The following ZNF750 variants were observed in gnomAD, a reference collection of about 807,000 sequenced individuals.
The protein encoded by ZNF750 is zinc finger protein 750, also known as protein ZNF750.
In ZNF750, 10 loss-of-function variants were observed where a neutral mutation model predicts 31.6. The ratio of observed to expected loss-of-function variants is 0.32; its 90% CI spans 0.19 to 0.54. ZNF750 has a LOEUF of 0.54. ZNF750 is among the 20% of genes least tolerant of loss of function. The pLI is 0.95. For synonymous variants in ZNF750, 400 were observed against 404.9 expected, an observed-to-expected ratio of 0.99 and a Z score of 0.15; for missense variants, 914 against 934.9, an observed-to-expected ratio of 0.98 and a Z score of 0.29.
chr17:82,835,959 AC>A lies in ZNF750; in HGVS notation c.-182-3324del, dbSNP rs2053933168. Among the ~76,000 whole-genome samples, 1 of 152,098 alleles carries A rather than the reference AC, an allele frequency of 6.6e-6. No homozygotes were observed. The highest frequency in any genetic ancestry group is 1.5e-5 in the Non-Finnish European group (1 of 68,010). On this transcript the variant is annotated intron_variant, in intron 1 of 2. Transcript: ENST00000269394. The surrounding 1 kb of genome is among the most constrained non-coding windows in gnomAD (Gnocchi z 4.5). Reference sequence around the variant, plus strand: ...CTACAACCAGGGAGGGTGTCGGGTGACACCCTGGGCTCAGACCCCGCGCTCA... The same window carrying A: ...CTACAACCAGGGAGGGTGTCGGGTGAACCCTGGGCTCAGACCCCGCGCTCA...
rs778604072 is a variant in ZNF750 at position 82,830,753 on chromosome 17, C to CT, written c.1560dup (p.Glu521ArgfsTer40). ...TCGTGGGTGGCTGCCAGGTTTATCT[C>CT]TGATTTCTTGGAGAGGTTGAGGGGG... On this transcript the variant is annotated frameshift_variant, in exon 3 of 3. Coordinates refer to ENST00000269394, the MANE Select transcript of ZNF750 (RefSeq NM_024702.3). LOFTEE classifies it low-confidence loss of function (END_TRUNC). 6.2e-7 allele frequency: 1 copy of CT among 1,613,922 alleles called. No homozygotes were observed. Among genetic ancestry groups the CT allele is most frequent in the East Asian group, 2.2e-5 (1 of 44,876 alleles).
rs1291720983 is a variant in ZNF750 at position 82,832,134 on chromosome 17, G to C, written c.321C>G (p.Ala107=). Residue 107 remains alanine, a synonymous_variant, in exon 2 of 3, where the codon GCC becomes GCG. Coordinates refer to ENST00000269394, the MANE Select transcript of ZNF750 (RefSeq NM_024702.3). This position sits in a 1 kb window ranked among gnomAD's most constrained non-coding sequence, Gnocchi z 4.9. The part of the protein sequence containing the change: ...AFDSKLQHSS[A]REDIKENLEL... ...CCAGGTTTTCCTTGATGTCTTCCCTGGCAGAGCTGTGCTGAAGCTTCGAGT... is the reference window on the plus strand; with the variant it reads ...CCAGGTTTTCCTTGATGTCTTCCCTCGCAGAGCTGTGCTGAAGCTTCGAGT... The C allele has an allele frequency of 1.2e-6, 2 of 1,614,194 alleles. No homozygotes were observed. Among genetic ancestry groups the C allele is most frequent in the Non-Finnish European group, 1.7e-6 (2 of 1,180,046 alleles).
At position 82,831,379 on chromosome 17, in the gene ZNF750, G is replaced by A; in HGVS notation, c.1076C>T (p.Ala359Val). ...LLEEATLVYP[A>V]SSPSRLNPSD... ...AGGGTTTAACCTGGAAGGACTCGAGGCTGGATAGACCAGGGTGGCTTCTTC... is the reference window on the plus strand; with the variant it reads ...AGGGTTTAACCTGGAAGGACTCGAGACTGGATAGACCAGGGTGGCTTCTTC... The change falls in exon 2 of 3, where the codon GCC (alanine) becomes GTC (valine). Residue 359 changes from alanine (A) to valine (V), a missense_variant. This residue lies in a region of ZNF750 where 880 missense variants were observed against 868.9 expected (regional missense o/e 1.01). Transcript: ENST00000269394. The surrounding 1 kb of genome is among the most constrained non-coding windows in gnomAD (Gnocchi z 4.6). 6.2e-7 allele frequency: 1 copy of A among 1,614,196 alleles called. No homozygotes were observed. The highest frequency in any genetic ancestry group is 8.5e-7 in the Non-Finnish European group (1 of 1,180,046).
Position 82,831,185 on chromosome 17 carries a change from T to A in ZNF750, c.1270A>T (p.Ser424Cys), listed in dbSNP as rs748115141. 1 of 1,614,142 alleles carries A rather than the reference T, an allele frequency of 6.2e-7. No homozygotes were observed. The highest frequency in any genetic ancestry group is 8.5e-7 in the Non-Finnish European group (1 of 1,180,024). The change falls in exon 2 of 3, where the codon AGC (serine) becomes TGC (cysteine). Residue 424 changes from serine to cysteine, a missense_variant. Physicochemically the swap from Ser to Cys is moderately radical, Grantham distance 112. Coordinates refer to ENST00000269394, the MANE Select transcript of ZNF750 (RefSeq NM_024702.3). This position sits in a 1 kb window ranked among gnomAD's most constrained non-coding sequence, Gnocchi z 4.6. ...RPSPTDFMQTSQTCEGLYDLS... is the reference protein window; with the variant it reads ...RPSPTDFMQTCQTCEGLYDLS... The stretch of plus-strand genomic sequence containing the variant: ...TCGTACAGGCCTTCGCAGGTCTGGC[T>A]CGTCTGCATGAAGTCGGTGGGGCTC...
Position 82,832,530 on chromosome 17 carries a change from C to G in ZNF750, c.-76G>C. ...CGACGCCGCGTGCACTTCGTGGTTTCTAAAGAGGCACCTCCCGCTTTGCTT... is the reference window on the plus strand; with the variant it reads ...CGACGCCGCGTGCACTTCGTGGTTTGTAAAGAGGCACCTCCCGCTTTGCTT... On this transcript the variant is annotated 5_prime_UTR_variant, in exon 2 of 3. Coordinates refer to ENST00000269394, the MANE Select transcript of ZNF750 (RefSeq NM_024702.3). The surrounding 1 kb of genome is among the most constrained non-coding windows in gnomAD (Gnocchi z 4.9). 7.6e-7 allele frequency: 1 copy of G among 1,320,992 alleles called. No individual in the cohort carries two copies. Among genetic ancestry groups the G allele is most frequent in the Non-Finnish European group, 1.1e-6 (1 of 929,512 alleles). The allele number at this position is 1,320,992 out of a possible 1,614,324, so 81.8% of individuals were successfully genotyped here.
At position 82,830,217 on chromosome 17, in the gene ZNF750, C is replaced by G. The variant is rs2053354423; in HGVS notation, c.2097G>C (p.Gln699His). Reference sequence around the variant, plus strand: ...GCAGCTTCGCCTTCTTAGCTCCTTGCTGGGATTTTCCAGCATCCCTTAGAC... The same window carrying G: ...GCAGCTTCGCCTTCTTAGCTCCTTGGTGGGATTTTCCAGCATCCCTTAGAC... ...RTSLRDAGKS[Q>H]QGAKKAKLQD... is the part of the protein sequence containing the mutation. Residue 699 changes from glutamine to histidine, a missense_variant, in exon 3 of 3, where the codon CAG becomes CAC. Around this residue, in one of 2 missense-constraint regions of ZNF750, gnomAD observed 880 missense variants for 868.9 expected, o/e 1.01. Coordinates refer to ENST00000269394, the MANE Select transcript of ZNF750 (RefSeq NM_024702.3). 4.3e-6 allele frequency: 7 copies of G among 1,614,264 alleles called. No individual in the cohort carries two copies. Among genetic ancestry groups the G allele is most frequent in the Non-Finnish European group, 5.9e-6 (7 of 1,180,054 alleles).
intron 1 of ZNF750, among the ~76,000 whole-genome samples, chr17:82,837,744 C>G (rs1014375975): frequency 1.3e-5 from 2 of 152,226 alleles, no homozygotes; most frequent in Non-Finnish European, 1.5e-5. Flanking sequence ...TCAAAGGTGG[C>G]TGTTGCTGAA....
chr17:82,830,227 C>G lies in ZNF750; in HGVS notation c.2087G>C (p.Gly696Ala). 1.2e-6 allele frequency: 2 copies of G among 1,614,232 alleles called. No homozygotes were observed. The highest frequency in any genetic ancestry group is 8.5e-7 in the Non-Finnish European group (1 of 1,180,044). The change falls in exon 3 of 3, where the codon GGA (glycine) becomes GCA (alanine). Residue 696 changes from glycine (G) to alanine (A), a missense_variant. By Grantham distance (60) the Gly-to-Ala change is moderately conservative. Coordinates refer to ENST00000269394, the MANE Select transcript of ZNF750 (RefSeq NM_024702.3). ...GQKRTSLRDA[G>A]KSQQGAKKAK... The stretch of plus-strand genomic sequence containing the variant: ...CTTCTTAGCTCCTTGCTGGGATTTT[C>G]CAGCATCCCTTAGACTTGTCCTCTT...
Position 82,831,918 on chromosome 17 carries a change from G to C in ZNF750, c.537C>G (p.Pro179=), listed in dbSNP as rs948959982. 1 of 1,614,168 alleles carries C rather than the reference G, an allele frequency of 6.2e-7. No individual in the cohort carries two copies. The highest frequency in any genetic ancestry group is 2.2e-5 in the East Asian group (1 of 44,876). The change falls in exon 2 of 3, where the codon CCC becomes CCG. Residue 179 remains proline, a synonymous_variant. Coordinates refer to ENST00000269394, the MANE Select transcript of ZNF750 (RefSeq NM_024702.3). The surrounding 1 kb of genome is among the most constrained non-coding windows in gnomAD (Gnocchi z 4.6). ...TGGGGTTGTGTAAAGCCAGTGTCTC[G>C]GGCGCCTCGGCGTTGTCTGGCCCCT... is the stretch of plus-strand genomic sequence containing the variant. The part of the protein sequence containing the change: ...RLKGPDNAEA[P]ETLALHNPTA...
Position 82,831,638 on chromosome 17 carries a change from G to C in ZNF750, c.817C>G (p.Leu273Val). Residue 273 changes from leucine (L) to valine (V), a missense_variant, in exon 2 of 3, where the codon CTG becomes GTG. Leu to Val is a conservative substitution (Grantham distance 32). Around this residue, in one of 2 missense-constraint regions of ZNF750, gnomAD observed 880 missense variants for 868.9 expected, o/e 1.01. Transcript: ENST00000269394. This position sits in a 1 kb window ranked among gnomAD's most constrained non-coding sequence, Gnocchi z 4.6. The part of the protein sequence containing the change: ...GSSPECDAPL[L>V]SVYGTQDPRH... ...GGGTCTTGGGTTCCGTAGACTGACA[G>C]CAGGGGTGCGTCACACTCAGGCGAG... 6.2e-7 allele frequency: 1 copy of C among 1,614,198 alleles called. No individual in the cohort carries two copies. The highest frequency in any genetic ancestry group is 1.3e-5 in the African/African-American group (1 of 75,038).
chr17:82,833,270 G>C lies in ZNF750; in HGVS notation c.-182-634C>G, dbSNP rs574299893. Among the ~76,000 whole-genome samples the C allele has an allele frequency of 6.6e-6, 1 of 152,220 alleles. No homozygotes were observed. The highest frequency in any genetic ancestry group is 2.1e-4 in the South Asian group (1 of 4,828). ...GCTCTCCCAAGTGCTGTGCGCCCCT[G>C]CCGTCGGCCTGTAGAACCCAAGACC... On this transcript the variant is annotated intron_variant, in intron 1 of 2. Coordinates refer to ENST00000269394, the MANE Select transcript of ZNF750 (RefSeq NM_024702.3). The surrounding 1 kb of genome is among the most constrained non-coding windows in gnomAD (Gnocchi z 4.7).
Position 82,831,110 on chromosome 17 carries a change from C to G in ZNF750, c.1345G>C (p.Glu449Gln). 1 of 1,614,198 alleles carries G rather than the reference C, an allele frequency of 6.2e-7. No homozygotes were observed. The highest frequency in any genetic ancestry group is 8.5e-7 in the Non-Finnish European group (1 of 1,180,040). Residue 449 changes from glutamate (E) to glutamine (Q), a missense_variant, in exon 2 of 3, where the codon GAG becomes CAG. Glu to Gln is a conservative substitution (Grantham distance 29, BLOSUM62 2). This residue lies in a region of ZNF750 where 880 missense variants were observed against 868.9 expected (regional missense o/e 1.01). Transcript: ENST00000269394. This position sits in a 1 kb window ranked among gnomAD's most constrained non-coding sequence, Gnocchi z 4.6. ...GGCCTGAAGGCTGTGAGGCTTTGCT[C>G]TGGCGGGTAGAGTCTTCCCAGTGCG... ...SSALGRLYPP[E>Q]QSLTAFRPVK...
Position 82,831,240 on chromosome 17 carries a change from C to G in ZNF750, c.1215G>C (p.Gly405=), listed in dbSNP as rs771824133. 6.1e-5 allele frequency: 98 copies of G among 1,613,854 alleles called. No individual in the cohort carries two copies. The highest frequency in any genetic ancestry group is 6.9e-5 in the Non-Finnish European group (82 of 1,180,056). Residue 405 remains glycine, a synonymous_variant, in exon 2 of 3, where the codon GGG becomes GGC. Transcript: ENST00000269394. This position sits in a 1 kb window ranked among gnomAD's most constrained non-coding sequence, Gnocchi z 4.6. ...TEGSKMSPRA[G]SAATGSPGRP... The stretch of plus-strand genomic sequence containing the variant: ...TCCCTGGGGAGCCCGTGGCTGCACT[C>G]CCTGCGCGGGGGCTCATTTTGGACC...
chr17:82,838,822 T>TA, intron 1 of ZNF750: 1 of 985,450 alleles, frequency 1.0e-6, no homozygotes, highest in Non-Finnish European at 1.2e-6. Context: ...GATCCCGAGT[T>TA]ACAGACCTGA....
At chr17:82,836,695 A>G (rs2054006498) in intron 1 of ZNF750, among the ~76,000 whole-genome samples, 1 of 148,824 alleles carries the variant, frequency 6.7e-6, no homozygotes, top group African/African-American at 2.6e-5. Context: ...GGCAAAAAAA[A>G]AAACAAAACA....
chr17:82,829,994 TTTTTG>T lies in ZNF750; in HGVS notation c.*143_*147del. ...ATTTATAAAAACTGAATTGGAGGGT[TTTTTG>T]TTTGTTTGTTTGTTTGTTTTTTTGA... On this transcript the variant is annotated 3_prime_UTR_variant, in exon 3 of 3. Coordinates refer to ENST00000269394, the MANE Select transcript of ZNF750 (RefSeq NM_024702.3). The T allele has an allele frequency of 3.7e-6, 4 of 1,069,804 alleles. 1 individual carries two copies. The highest frequency in any genetic ancestry group is 5.3e-6 in the Non-Finnish European group (4 of 760,986). 66.3% of individuals were successfully genotyped at this position (1,069,804 alleles called of 1,614,324 possible).
intron 1 of ZNF750, among the ~76,000 whole-genome samples, chr17:82,836,209 T>C (rs1218452040): frequency 2.0e-5 from 3 of 152,360 alleles, no homozygotes; most frequent in Non-Finnish European, 4.4e-5. Context: ...AGAAGCCGGG[T>C]GCCTGGTTCC....
Position 82,833,200 on chromosome 17 carries a change from G to C in ZNF750, c.-182-564C>G, listed in dbSNP as rs1250064659. Among the ~76,000 whole-genome samples the C allele has an allele frequency of 1.3e-5, 2 of 152,034 alleles. No homozygotes were observed. Among genetic ancestry groups the C allele is most frequent in the Admixed American group, 6.5e-5 (1 of 15,268 alleles). ...AGAGTGCCCCTCACTTTTACACAGA[G>C]CGTGGGCTGGCCACCGTCTACTTGC... On this transcript the variant is annotated intron_variant, in intron 1 of 2. Transcript: ENST00000269394. The surrounding 1 kb of genome is among the most constrained non-coding windows in gnomAD (Gnocchi z 4.7).
Position 82,839,044 on chromosome 17 carries a change from CA to C in ZNF750, c.-183+882del, listed in dbSNP as rs1344612189. ...CCTTTTGTATCTGTGTCTATATGTA[CA>C]GAAGACCTTAACAACCAAACAGAAA... is the stretch of plus-strand genomic sequence containing the variant. On this transcript the variant is annotated intron_variant, in intron 1 of 2. Transcript: ENST00000269394. 32 of 914,894 alleles carry C rather than the reference CA, an allele frequency of 3.5e-5. No individual in the cohort carries two copies. In the East Asian group the frequency reaches 4.7e-4, roughly 14 times the overall value. The allele number at this position is 914,894 out of a possible 1,614,324, so 56.7% of individuals were successfully genotyped here.
Sources: allele counts gnomAD v4.1 joint callset (sites outside exome capture counted in the v4.1 genomes callset), GRCh38; gene constraint gnomAD v4.1.1; regional missense constraint gnomAD v4.1.1; non-coding constraint Gnocchi (gnomAD v3.1); transcripts MANE v1.5; gene names NCBI Gene and HGNC (gene_info 2026-07-23, HGNC 2026-07-21).